DYNC1LI2: variants seen among roughly 807,000 people sequenced by gnomAD.
DYNC1LI2 encodes cytoplasmic dynein 1 light intermediate chain 2.
In DYNC1LI2, 19 loss-of-function variants were observed where a neutral mutation model predicts 57.8. The ratio of observed to expected loss-of-function variants is 0.33; its 90% CI spans 0.23 to 0.48. The LOEUF is 0.48. Among genes scored for constraint, DYNC1LI2 ranks in the 20% least tolerant of loss-of-function variants. The pLI is 0.99. For synonymous variants in DYNC1LI2, 256 were observed against 233.4 expected, an observed-to-expected ratio of 1.10 and a Z score of -0.88; for missense variants, 470 against 604.2, an observed-to-expected ratio of 0.78 and a Z score of 2.33.
rs2017448894 is a variant in DYNC1LI2, at chr16:66,721,365, T to C, written c.*2357A>G. On this transcript the variant is annotated 3_prime_UTR_variant, in exon 13 of 13. Transcript: ENST00000258198. Reference sequence around the variant, plus strand: ...TTTTATTTTAAAGACAAAAAGCAGATGTAACCATTATAATGTGCATAAATA... The same window carrying C: ...TTTTATTTTAAAGACAAAAAGCAGACGTAACCATTATAATGTGCATAAATA... 6.6e-6 allele frequency: 1 copy of C among 152,538 alleles called. No individual in the cohort carries two copies. The highest frequency in any genetic ancestry group is 2.1e-4 in the South Asian group (1 of 4,830). 9.4% of individuals were successfully genotyped at this position (152,538 alleles called of 1,614,324 possible).
At position 66,751,270 on chromosome 16, in the gene DYNC1LI2, C is replaced by T. The variant is rs766067867; in HGVS notation, c.181+3G>A. 1 of 1,610,892 alleles carries T rather than the reference C, an allele frequency of 6.2e-7. No homozygotes were observed. Among genetic ancestry groups the T allele is most frequent in the Non-Finnish European group, 8.5e-7 (1 of 1,178,704 alleles). On this transcript the variant is annotated splice_donor_region_variant and intron_variant, in intron 2 of 12. Coordinates refer to ENST00000258198, the MANE Select transcript of DYNC1LI2 (RefSeq NM_006141.3). This position sits in a 1 kb window ranked among gnomAD's most constrained non-coding sequence, Gnocchi z 5.2. ...GGGGCAACGCCCCGCCGCCGGCGCT[C>T]ACCGAAGACCAGGATGTTCTTGCCG...
At chr16:66,746,821 C>T (rs2017943725) in intron 3 of DYNC1LI2, among the ~76,000 whole-genome samples, 1 of 152,218 alleles carries the variant, frequency 6.6e-6, no homozygotes, top group Admixed American at 6.5e-5. Flanking sequence ...AACTCAAGTA[C>T]AGAGTGGTTA....
intron 12 of DYNC1LI2, among the ~76,000 whole-genome samples, chr16:66,724,311 T>C (rs1429901893): frequency 1.3e-5 from 2 of 152,172 alleles, no homozygotes; most frequent in East Asian, 3.8e-4. Context: ...GCACAAAATC[T>C]ATACTTGTAT....
chr16:66,741,187 C>T (rs1370603750), intron 4 of DYNC1LI2, among the ~76,000 whole-genome samples: 2 of 152,182 alleles, frequency 1.3e-5, no homozygotes, highest in Admixed American at 1.3e-4. Flanking sequence ...AAAACAGCTT[C>T]AGAGAACTGA....
At chr16:66,724,113 T>G (rs558109734) in intron 12 of DYNC1LI2, among the ~76,000 whole-genome samples, 1 of 152,060 alleles carries the variant, frequency 6.6e-6, no homozygotes, top group Non-Finnish European at 1.5e-5. Flanking sequence ...GAAAACCCTC[T>G]CACCACCCAA....
chr16:66,748,305 A>T (rs4384598), intron 3 of DYNC1LI2, among the ~76,000 whole-genome samples: 67,635 of 137,264 alleles, frequency 0.49, 18,095 homozygotes, highest in African/African-American at 0.63. Flanking sequence ...AAAAAAAAAA[A>T]CTAACATAAA....
intron 11 of DYNC1LI2, among the ~76,000 whole-genome samples, chr16:66,726,311 T>G (rs2345388): frequency 0.51 from 76,841 of 152,098 alleles, 20,292 homozygotes; most frequent in African/African-American, 0.64. Flanking sequence ...AATAAAACTG[T>G]TTTTTAATGA....
At chr16:66,738,647 C>T (rs1007060047) in intron 4 of DYNC1LI2, among the ~76,000 whole-genome samples, 1 of 151,400 alleles carries the variant, frequency 6.6e-6, no homozygotes, top group Non-Finnish European at 1.5e-5. Context: ...CAGGCCAAGG[C>T]GGGTGGATCA....
chr16:66,727,692 G>A lies in DYNC1LI2; in HGVS notation c.1257C>T (p.Ile419=), dbSNP rs1596986033. Residue 419 remains isoleucine, a synonymous_variant, in exon 11 of 13, where the codon ATC becomes ATT. Transcript: ENST00000258198. The part of the protein sequence containing the change: ...GTSVKKPDPN[I]KNNAASEGVL... ...ATACTTTTGAGGAATACATACTTTT[G>A]ATGTTTGGGTCCGGCTTTTTTACTG... is the stretch of plus-strand genomic sequence containing the variant. 6.2e-7 allele frequency: 1 copy of A among 1,614,000 alleles called. No individual in the cohort carries two copies. The highest frequency in any genetic ancestry group is 8.5e-7 in the Non-Finnish European group (1 of 1,179,950).
At position 66,723,405 on chromosome 16, in the gene DYNC1LI2, C is replaced by A; in HGVS notation, c.*317G>T. 2.0e-6 allele frequency: 1 copy of A among 498,158 alleles called. No individual in the cohort carries two copies. The highest frequency in any genetic ancestry group is 3.9e-6 in the Non-Finnish European group (1 of 254,878). The allele number at this position is 498,158 out of a possible 1,614,324, so 30.9% of individuals were successfully genotyped here. On this transcript the variant is annotated 3_prime_UTR_variant, in exon 13 of 13. Transcript: ENST00000258198. ...AATGATTTCTTGGTCTCATTTGCTCCACCCTGTTAGAAAGTGGGCCCTCTT... is the reference window on the plus strand; with the variant it reads ...AATGATTTCTTGGTCTCATTTGCTCAACCCTGTTAGAAAGTGGGCCCTCTT...
At chr16:66,747,362 C>T (rs1254972465) in intron 3 of DYNC1LI2, among the ~76,000 whole-genome samples, 1 of 152,118 alleles carries the variant, frequency 6.6e-6, no homozygotes, top group African/African-American at 2.4e-5. Flanking sequence ...AGGCGTGAGC[C>T]ACCGCGCCCA....
rs763505761 is a variant in DYNC1LI2 at position 66,732,456 on chromosome 16, T to A, written c.812A>T (p.Tyr271Phe). The A allele has an allele frequency of 2.5e-6, 4 of 1,612,622 alleles. No individual in the cohort carries two copies. Among genetic ancestry groups the A allele is most frequent in the Non-Finnish European group, 3.4e-6 (4 of 1,179,880 alleles). ...FCLQYGAALIYTSVKEEKNLD... is the reference protein window; with the variant it reads ...FCLQYGAALIFTSVKEEKNLD... ...GTTTTTCTCTTCTTTCACTGATGTG[T>A]AAATCAAGGCAGCTCCATCTAATCA... is the stretch of plus-strand genomic sequence containing the variant. The change falls in exon 7 of 13, where the codon TAC becomes TTC. Residue 271 changes from tyrosine (Y) to phenylalanine (F), a missense_variant. Physicochemically the swap from Tyr to Phe is conservative, Grantham distance 22. Transcript: ENST00000258198.
chr16:66,724,988 A>C (rs2017510637), intron 12 of DYNC1LI2, among the ~76,000 whole-genome samples: 1 of 151,706 alleles, frequency 6.6e-6, no homozygotes, highest in South Asian at 2.1e-4. Flanking sequence ...CCTGGCCAAC[A>C]TGGCGAAAAA....
chr16:66,735,140 G>A (rs1370288110), intron 5 of DYNC1LI2, among the ~76,000 whole-genome samples: 2 of 129,338 alleles, frequency 1.5e-5, no homozygotes, highest in Non-Finnish European at 3.1e-5. Flanking sequence ...GTCTCACTGT[G>A]TCATCCCGGA....
At chr16:66,729,519 C>T (rs2017595884) in intron 8 of DYNC1LI2, among the ~76,000 whole-genome samples, 1 of 151,858 alleles carries the variant, frequency 6.6e-6, no homozygotes, top group Non-Finnish European at 1.5e-5. Flanking sequence ...GGACTTACTA[C>T]TCCCCACTAC....
intron 12 of DYNC1LI2, among the ~76,000 whole-genome samples, chr16:66,724,054 A>C (rs2017495609): frequency 1.3e-5 from 2 of 152,100 alleles, no homozygotes. Flanking sequence ...GAGTGACTTG[A>C]CTGCTCTCTG....
chr16:66,749,936 C>T (rs890772567), intron 2 of DYNC1LI2, among the ~76,000 whole-genome samples: 1 of 152,204 alleles, frequency 6.6e-6, no homozygotes, highest in African/African-American at 2.4e-5. Flanking sequence ...CCCCCTTCCC[C>T]GGATCCTTAA....
chr16:66,731,305 C>G (rs1413434526), intron 7 of DYNC1LI2: 1 of 152,268 alleles, frequency 6.6e-6, no homozygotes, highest in Non-Finnish European at 1.5e-5. Context: ...GCCTGCCTGA[C>G]TGCTCTGAAC....
chr16:66,729,963 T>C (rs1465187044), intron 8 of DYNC1LI2, 149 bp downstream of exon 8: 4 of 540,168 alleles, frequency 7.4e-6, no homozygotes, highest in Non-Finnish European at 1.3e-5. Context: ...TGTATTTTAG[T>C]GGAGATGGGG....
Sources: allele counts gnomAD v4.1 joint callset (sites outside exome capture counted in the v4.1 genomes callset), GRCh38; gene constraint gnomAD v4.1.1; non-coding constraint Gnocchi (gnomAD v3.1); transcripts MANE v1.5; gene names NCBI Gene and HGNC (gene_info 2026-07-23, HGNC 2026-07-21).